UBE2U: variants seen among roughly 807,000 people sequenced by gnomAD.
The protein encoded by UBE2U is ubiquitin conjugating enzyme E2 U.
A neutral mutation model predicts 41.2 loss-of-function variants in UBE2U; 39 were observed. The ratio of observed to expected loss-of-function variants is 0.95; its 90% CI spans 0.73 to 1.24. The LOEUF (loss-of-function observed/expected upper bound fraction) is 1.24, where lower values mean the gene tolerates loss of function less well. Among genes scored for constraint, UBE2U ranks in the 50% most tolerant of loss-of-function variants. The pLI, the probability that UBE2U is intolerant of heterozygous loss-of-function variation, is 0.00. For synonymous variants in UBE2U, 107 were observed against 117.8 expected, an observed-to-expected ratio of 0.91 and a Z score of 0.60; for missense variants, 336 against 363.1, an observed-to-expected ratio of 0.93 and a Z score of 0.61.
intron 3 of UBE2U, among the ~76,000 whole-genome samples, chr1:64,209,388 G>A (rs748284076): frequency 2.0e-4 from 30 of 152,054 alleles, no homozygotes; most frequent in Non-Finnish European, 4.0e-4. Context: ...AAAGAATTGA[G>A]CATATGTGGC....
chr1:64,241,882 A>G (rs1196929303), intron 8 of UBE2U, 149 bp downstream of exon 8: 1 of 560,124 alleles, frequency 1.8e-6, no homozygotes, highest in Non-Finnish European at 3.1e-6. Context: ...AATAAAAGAA[A>G]TGATCATTTC....
At chr1:64,246,258 T>C (rs796593643) in intron 8 of UBE2U, among the ~76,000 whole-genome samples, 27 of 152,296 alleles carry the variant, frequency 1.8e-4, no homozygotes, top group African/African-American at 5.8e-4. Flanking sequence ...GACTAATACA[T>C]ATTTTTTCTA....
At chr1:64,233,947 T>C (rs1340354932) in intron 7 of UBE2U, among the ~76,000 whole-genome samples, 1 of 152,234 alleles carries the variant, frequency 6.6e-6, no homozygotes, top group East Asian at 1.9e-4. Flanking sequence ...TTGATTTACA[T>C]GATACCATAC....
chr1:64,205,350 A>AC (rs1340923558), intron 1 of UBE2U, among the ~76,000 whole-genome samples: 2 of 152,214 alleles, frequency 1.3e-5, no homozygotes, highest in African/African-American at 4.8e-5. Flanking sequence ...TTATTGATTT[A>AC]CACAAACAGT....
rs562782134 is a variant in UBE2U, at chr1:64,203,777, T to C, written c.-274T>C. 3.7e-4 allele frequency: 130 copies of C among 348,022 alleles called. No individual in the cohort carries two copies. Among genetic ancestry groups the C allele is most frequent in the African/African-American group, 2.4e-3 (115 of 47,948 alleles). The allele number at this position is 348,022 out of a possible 1,614,324, so 21.6% of individuals were successfully genotyped here. A position where few individuals can be genotyped will look rare whatever the true frequency, so the allele number is the denominator to read the frequency against. ...TACTCATCCAAGTTTGTCTTGAGAC[T>C]GGGCTGTGAGCCGGCACTGCAGTGA... On this transcript the variant is annotated 5_prime_UTR_variant, in exon 1 of 10. Coordinates refer to ENST00000371077, the MANE Select transcript of UBE2U (RefSeq NM_001366232.2).
intron 3 of UBE2U, among the ~76,000 whole-genome samples, chr1:64,208,168 T>C (rs1375081729): frequency 6.6e-6 from 1 of 152,224 alleles, no homozygotes; most frequent in East Asian, 1.9e-4. Flanking sequence ...GTTCCTCTGA[T>C]ATAATCATGA....
At chr1:64,237,322 A>G (rs1315818788) in intron 7 of UBE2U, among the ~76,000 whole-genome samples, 1 of 149,484 alleles carries the variant, frequency 6.7e-6, no homozygotes, top group African/African-American at 2.4e-5. Context: ...AAAAAAAAAA[A>G]GCAGAGTAGA....
chr1:64,241,797 A>G (rs1644839510), intron 8 of UBE2U, 64 bp downstream of exon 8: 2 of 1,247,106 alleles, frequency 1.6e-6, no homozygotes, highest in Non-Finnish European at 2.3e-6. Flanking sequence ...TCCACTTTCT[A>G]CTATCCAACT....
intron 6 of UBE2U, among the ~76,000 whole-genome samples, chr1:64,228,494 A>C (rs917317077): frequency 1.3e-5 from 2 of 152,108 alleles, no homozygotes; most frequent in Admixed American, 1.3e-4. Flanking sequence ...GTGTAATACC[A>C]TGGTGTGCTT....
rs543298157 is a variant in UBE2U, at chr1:64,259,362, G to A, written c.678-1241G>A. Among the ~76,000 whole-genome samples, 159 of 152,130 alleles carry A rather than the reference G, an allele frequency of 1.0e-3. 1 individual carries two copies. The highest frequency in any genetic ancestry group is 3.4e-3 in the Middle Eastern group (1 of 294). On this transcript the variant is annotated intron_variant, in intron 8 of 9. Coordinates refer to ENST00000371077, the MANE Select transcript of UBE2U (RefSeq NM_001366232.2). ...TTTGTCAAGTTTGGCTTTTGTTGCC[G>A]TTGCTTTTGGTGTTTTAGTCATGAA...
chr1:64,211,957 A>G (rs1283111701), intron 4 of UBE2U, among the ~76,000 whole-genome samples: 2 of 152,196 alleles, frequency 1.3e-5, no homozygotes, highest in Non-Finnish European at 2.9e-5. Flanking sequence ...GAGTTTTTAA[A>G]TATAGAATTA....
In UBE2U at chr1:64,205,680, G is replaced by A. The variant is rs751395768; in HGVS notation, c.108G>A (p.Trp36Ter). The stretch of plus-strand genomic sequence containing the variant: ...CTGTAAGTGAAGATATGATGGAATG[G>A]GAAGTTGAAATTGAAGGTCTACAGA... ...AKPVSEDMME[W>*]EVEIEGLQNS... is the part of the protein sequence containing the mutation. Residue 36 changes from tryptophan (W) to a stop codon, truncating the protein, a stop_gained, in exon 2 of 10, where the codon TGG becomes TGA. Transcript: ENST00000371077. LOFTEE classifies it high-confidence loss of function. 4.3e-6 allele frequency: 7 copies of A among 1,613,070 alleles called. No individual in the cohort carries two copies. Among genetic ancestry groups the A allele is most frequent in the South Asian group, 1.1e-5 (1 of 90,958 alleles).
At chr1:64,240,644 T>C (rs1376188154) in intron 7 of UBE2U, among the ~76,000 whole-genome samples, 1 of 152,224 alleles carries the variant, frequency 6.6e-6, no homozygotes, top group African/African-American at 2.4e-5. Flanking sequence ...AAAATTCTAA[T>C]TTTCTACTTG....
intron 4 of UBE2U, among the ~76,000 whole-genome samples, chr1:64,212,742 G>A (rs571067715): frequency 9.2e-5 from 14 of 152,064 alleles, no homozygotes; most frequent in Non-Finnish European, 1.9e-4. Flanking sequence ...CATTTCCTTT[G>A]CACATCATGT....
intron 7 of UBE2U, among the ~76,000 whole-genome samples, chr1:64,233,259 A>G (rs1334601387): frequency 2.0e-5 from 3 of 151,990 alleles, no homozygotes; most frequent in Non-Finnish European, 4.4e-5. Context: ...CGCCTGCCTC[A>G]GCCTCCCAAA....
At chr1:64,217,521 A>G (rs1318794724) in intron 5 of UBE2U, among the ~76,000 whole-genome samples, 1 of 152,188 alleles carries the variant, frequency 6.6e-6, no homozygotes, top group Non-Finnish European at 1.5e-5. Flanking sequence ...TTATATTATC[A>G]AGTAATATTT....
chr1:64,252,195 G>A (rs896410600), intron 8 of UBE2U, among the ~76,000 whole-genome samples: 2 of 152,062 alleles, frequency 1.3e-5, no homozygotes, highest in Non-Finnish European at 2.9e-5. Flanking sequence ...ACTACCTCCT[G>A]TAGGGGGCCT....
intron 8 of UBE2U, among the ~76,000 whole-genome samples, chr1:64,246,564 T>C (rs890279336): frequency 6.9e-5 from 10 of 143,970 alleles, no homozygotes; most frequent in African/African-American, 2.5e-4. Flanking sequence ...GAATGGACAC[T>C]GCCTGTATTT....
At chr1:64,231,371 G>A (rs1557722194) in intron 6 of UBE2U, among the ~76,000 whole-genome samples, 2 of 152,182 alleles carry the variant, frequency 1.3e-5, no homozygotes, top group Admixed American at 1.3e-4. Context: ...TTTTCATGCA[G>A]GAGATATAAT....
Sources: allele counts gnomAD v4.1 joint callset (sites outside exome capture counted in the v4.1 genomes callset), GRCh38; gene constraint gnomAD v4.1.1; transcripts MANE v1.5; gene names NCBI Gene and HGNC (gene_info 2026-07-23, HGNC 2026-07-21).